The following GRID1 variants were observed in gnomAD, a reference collection of about 807,000 sequenced individuals.
GRID1 encodes glutamate receptor ionotropic, delta-1.
GRID1 carries 28 observed loss-of-function variants against 98.0 expected under a neutral mutation model. That is an observed-to-expected ratio of 0.29 (90% CI 0.21 to 0.39). The LOEUF (loss-of-function observed/expected upper bound fraction) is 0.39. Ranked by LOEUF, GRID1 falls within the 10% of genes least tolerant of loss-of-function variation. The probability of loss-of-function intolerance (pLI) is 1.00; values close to 1 mark genes in which losing one functional copy is unlikely to be tolerated. For synonymous variants in GRID1, 553 were observed against 538.5 expected, an observed-to-expected ratio of 1.03 and a Z score of -0.37; for missense variants, 1,111 against 1,340.5, an observed-to-expected ratio of 0.83 and a Z score of 2.67.
chr10:85,642,719 G>C (rs914101760), intron 13 of GRID1, among the ~76,000 whole-genome samples: 6 of 152,250 alleles, frequency 3.9e-5, no homozygotes, highest in Admixed American at 3.3e-4. Context: ...GGTCTCACTT[G>C]TCCTTATCTT....
At chr10:85,819,303 TC>T (rs1278554189) in intron 8 of GRID1, among the ~76,000 whole-genome samples, 1 of 152,068 alleles carries the variant, frequency 6.6e-6, no homozygotes, top group African/African-American at 2.4e-5. Flanking sequence ...CAAAGCATAT[TC>T]CCCCAGAAGT....
chr10:86,201,772 C>T (rs1487241342), intron 3 of GRID1, among the ~76,000 whole-genome samples: 2 of 150,482 alleles, frequency 1.3e-5, no homozygotes, highest in Non-Finnish European at 3.0e-5. Flanking sequence ...ATATATGAGG[C>T]ATAAATTTAA....
chr10:86,149,500 C>T (rs1845133488), intron 3 of GRID1, among the ~76,000 whole-genome samples: 1 of 152,228 alleles, frequency 6.6e-6, no homozygotes, highest in Non-Finnish European at 1.5e-5. Flanking sequence ...AAGGCTTCGG[C>T]TAATCCCACC....
intron 8 of GRID1, among the ~76,000 whole-genome samples, chr10:85,763,129 G>C (rs773794851): frequency 6.6e-6 from 1 of 152,142 alleles, no homozygotes; most frequent in Non-Finnish European, 1.5e-5. Flanking sequence ...GGGCATGGAG[G>C]ACTAGAGTCT....
chr10:85,783,253 C>T lies in GRID1; in HGVS notation c.1234-53639G>A, dbSNP rs768675408. ...GCTAGCAGCACCCTTGCAATGAAGGCGACAAGAAGCTTCCCAGACCCTGTT... is the reference window on the plus strand; with the variant it reads ...GCTAGCAGCACCCTTGCAATGAAGGTGACAAGAAGCTTCCCAGACCCTGTT... On this transcript the variant is annotated intron_variant, in intron 8 of 15. Coordinates refer to ENST00000327946, the MANE Select transcript of GRID1 (RefSeq NM_017551.3). 1.8e-4 allele frequency among the ~76,000 whole-genome samples: 28 copies of T among 152,270 alleles called. No homozygotes were observed. The East Asian group carries it at 3.7e-3, about 20-fold the overall frequency.
At chr10:86,095,757 G>A (rs1470325333) in intron 4 of GRID1, among the ~76,000 whole-genome samples, 2 of 152,200 alleles carry the variant, frequency 1.3e-5, no homozygotes, top group African/African-American at 2.4e-5. Flanking sequence ...CTTCCACACT[G>A]CTGGTGGGAA....
At position 86,066,102 on chromosome 10, in the gene GRID1, G is replaced by A. The variant is rs915683780; in HGVS notation, c.726+72717C>T. ...TCTGAAAAGACAGATTAAAGAGGGG[G>A]AAGAGCGGTATTAAGATGGTGCAAT... On this transcript the variant is annotated intron_variant, in intron 4 of 15. Transcript: ENST00000327946. Among the ~76,000 whole-genome samples the A allele has an allele frequency of 7.2e-5, 11 of 152,324 alleles. No homozygotes were observed. In the East Asian group the frequency reaches 2.1e-3, roughly 29 times the overall value.
chr10:85,785,701 C>G (rs1842421559), intron 8 of GRID1, among the ~76,000 whole-genome samples: 1 of 152,066 alleles, frequency 6.6e-6, no homozygotes, highest in Non-Finnish European at 1.5e-5. Context: ...ATGGTGAAGC[C>G]CCGGTAATAA....
chr10:86,011,847 C>A (rs958037259), intron 4 of GRID1, among the ~76,000 whole-genome samples: 2 of 152,096 alleles, frequency 1.3e-5, no homozygotes, highest in African/African-American at 4.8e-5. Context: ...AGTCCAAAGA[C>A]CAAAAAAATA....
At chr10:86,293,949 T>C (rs534957703) in intron 2 of GRID1, among the ~76,000 whole-genome samples, 204 of 152,318 alleles carry the variant, frequency 1.3e-3, no homozygotes, top group Non-Finnish European at 1.5e-3. Flanking sequence ...TAAATAAAAA[T>C]TTATTGCAAT....
intron 5 of GRID1, among the ~76,000 whole-genome samples, chr10:85,879,434 G>C (rs1840964640): frequency 6.6e-6 from 1 of 152,192 alleles, no homozygotes; most frequent in Non-Finnish European, 1.5e-5. Context: ...TCAGACCACA[G>C]TGTAATCAAA....
intron 2 of GRID1, among the ~76,000 whole-genome samples, chr10:86,238,576 A>C (rs1846577152): frequency 6.6e-6 from 1 of 150,936 alleles, no homozygotes; most frequent in Non-Finnish European, 1.5e-5. Context: ...AGGCTGAGGC[A>C]GGAGAATCAC....
intron 4 of GRID1, among the ~76,000 whole-genome samples, chr10:86,121,294 A>T (rs1844661354): frequency 6.6e-6 from 1 of 150,414 alleles, no homozygotes; most frequent in African/African-American, 2.5e-5. Context: ...CTTAACAAAA[A>T]ATCATCACCA....
At position 86,192,536 on chromosome 10, in the gene GRID1, G is replaced by C. The variant is rs549166261; in HGVS notation, c.520+13828C>G. On this transcript the variant is annotated intron_variant, in intron 3 of 15. Transcript: ENST00000327946. This position sits in a 1 kb window ranked among gnomAD's most constrained non-coding sequence, Gnocchi z 4.8. ...AGTGGGTGCTGAGGGCTGAAGGGAGGGGGGAGATGGGGGTCTTTGTTGAAT... is the reference window on the plus strand; with the variant it reads ...AGTGGGTGCTGAGGGCTGAAGGGAGCGGGGAGATGGGGGTCTTTGTTGAAT... Among the ~76,000 whole-genome samples the C allele has an allele frequency of 1.2e-3, 156 of 131,930 alleles. 1 individual carries two copies. The highest frequency in any genetic ancestry group is 2.5e-3 in the East Asian group (13 of 5,142). 86.6% of individuals were successfully genotyped at this position (131,930 alleles called of 152,430 possible). A position where few individuals can be genotyped will look rare whatever the true frequency, so the allele number is the denominator to read the frequency against.
At chr10:85,633,221 T>C (rs1428843207) in intron 13 of GRID1, among the ~76,000 whole-genome samples, 1 of 152,166 alleles carries the variant, frequency 6.6e-6, no homozygotes, top group Non-Finnish European at 1.5e-5. Flanking sequence ...TGAGCCACCA[T>C]GGCTGGCTCT....
At chr10:86,114,414 C>A (rs1323049761) in intron 4 of GRID1, among the ~76,000 whole-genome samples, 2 of 152,200 alleles carry the variant, frequency 1.3e-5, no homozygotes. Flanking sequence ...TCTGCCAGTG[C>A]TCCCACAGCC....
intron 4 of GRID1, among the ~76,000 whole-genome samples, chr10:86,058,366 C>T (rs1000583638): frequency 3.9e-5 from 6 of 152,164 alleles, no homozygotes; most frequent in Non-Finnish European, 8.8e-5. Flanking sequence ...CCAACCTCTC[C>T]ATGTTCATTA....
At chr10:85,757,739 A>T (rs2132694353) in intron 8 of GRID1, among the ~76,000 whole-genome samples, 1 of 152,324 alleles carries the variant, frequency 6.6e-6, no homozygotes, top group East Asian at 1.9e-4. Flanking sequence ...ACACTGTGTG[A>T]ACCTAAGGAT....
At chr10:86,215,191 G>A (rs1846157344) in intron 2 of GRID1, among the ~76,000 whole-genome samples, 1 of 152,184 alleles carries the variant, frequency 6.6e-6, no homozygotes, top group Non-Finnish European at 1.5e-5. Context: ...GGGAGCCCCA[G>A]CCTCTCTGGC....
Sources: allele counts gnomAD v4.1 joint callset (sites outside exome capture counted in the v4.1 genomes callset), GRCh38; gene constraint gnomAD v4.1.1; non-coding constraint Gnocchi (gnomAD v3.1); transcripts MANE v1.5; gene names NCBI Gene and HGNC (gene_info 2026-07-23, HGNC 2026-07-21).